The following ADGRL2 variants were observed in gnomAD, a reference collection of about 807,000 sequenced individuals.
ADGRL2 encodes the protein calcium-independent alpha-latrotoxin receptor 2.
Under a neutral mutation model 157.4 loss-of-function variants are expected in ADGRL2, and 44 were observed. The observed-to-expected ratio is 0.28, with a 90% confidence interval of 0.22 to 0.36. The LOEUF (loss-of-function observed/expected upper bound fraction) is 0.36, where lower values mean the gene tolerates loss of function less well. Among genes scored for constraint, ADGRL2 ranks in the 10% least tolerant of loss-of-function variants. The pLI is 1.00. For missense variants in ADGRL2, 1,510 were observed against 1,768.9 expected (o/e 0.85, Z 2.63); for synonymous variants, 585 against 624.7 (o/e 0.94, Z 0.95).
chr1:81,939,589 T>A (rs1038873516), intron 4 of ADGRL2, among the ~76,000 whole-genome samples: 2 of 151,506 alleles, frequency 1.3e-5, no homozygotes, highest in Non-Finnish European at 3.0e-5. Flanking sequence ...GCTGTGTAGT[T>A]AGTTTGGGTT....
chr1:81,449,316 C>T (rs2077662783), intron 2 of ADGRL2, among the ~76,000 whole-genome samples: 1 of 152,038 alleles, frequency 6.6e-6, no homozygotes. Flanking sequence ...TTATATTATC[C>T]AGGGTCTGTG....
Position 81,482,154 on chromosome 1 carries a change from C to T in ADGRL2, c.-248+37065C>T, listed in dbSNP as rs141639048. 2.1e-3 allele frequency among the ~76,000 whole-genome samples: 327 copies of T among 152,320 alleles called. 1 individual carries two copies. Among genetic ancestry groups the T allele is most frequent in the African/African-American group, 7.5e-3 (310 of 41,570 alleles). Reference sequence around the variant, plus strand: ...ACACCAGTTTGAGAATTTAGCACTGCTATGATTGCATTCATTAATTATTTG... The same window carrying T: ...ACACCAGTTTGAGAATTTAGCACTGTTATGATTGCATTCATTAATTATTTG... On this transcript the variant is annotated intron_variant, in intron 2 of 24. Transcript: ENST00000370721.
At chr1:81,682,548 C>G (rs1364255348) in intron 3 of ADGRL2, among the ~76,000 whole-genome samples, 2 of 152,114 alleles carry the variant, frequency 1.3e-5, no homozygotes, top group East Asian at 3.9e-4. Flanking sequence ...CTTAAACAAG[C>G]GCCTTTGAAT....
At chr1:81,564,818 A>G (rs2080522577) in intron 2 of ADGRL2, among the ~76,000 whole-genome samples, 2 of 152,140 alleles carry the variant, frequency 1.3e-5, no homozygotes, top group Non-Finnish European at 2.9e-5. Context: ...ATTGAGGACT[A>G]TGTTCAGTTG....
At chr1:81,428,852 A>G (rs1383855258) in intron 1 of ADGRL2, among the ~76,000 whole-genome samples, 1 of 152,112 alleles carries the variant, frequency 6.6e-6, no homozygotes, top group African/African-American at 2.4e-5. Flanking sequence ...GCTTCAGGAT[A>G]GGGAAAGGGG....
intron 3 of ADGRL2, among the ~76,000 whole-genome samples, chr1:81,688,444 C>T (rs2083272934): frequency 6.6e-6 from 1 of 152,062 alleles, no homozygotes; most frequent in Non-Finnish European, 1.5e-5. Context: ...TTTCTTTCTT[C>T]TACTTGTTCA....
chr1:81,581,618 C>T (rs1212232513), intron 3 of ADGRL2, among the ~76,000 whole-genome samples: 1 of 152,152 alleles, frequency 6.6e-6, no homozygotes, highest in Non-Finnish European at 1.5e-5. Context: ...TGATTATACT[C>T]ATTTCATCTT....
At chr1:81,570,377 C>CGTTT (rs765155539) in intron 2 of ADGRL2, among the ~76,000 whole-genome samples, 33 of 152,008 alleles carry the variant, frequency 2.2e-4, no homozygotes, top group African/African-American at 3.6e-4. Context: ...ATATTACATT[C>CGTTT]GTTTGTTTGT....
rs150209895 is a variant in ADGRL2 at position 81,907,819 on chromosome 1, G to A, written c.287+589G>A. Among the ~76,000 whole-genome samples the A allele has an allele frequency of 3.9e-5, 6 of 152,260 alleles. No homozygotes were observed. In the East Asian group the frequency reaches 1.2e-3, roughly 29 times the overall value. On this transcript the variant is annotated intron_variant, in intron 3 of 23. Coordinates refer to ENST00000686636, the MANE Select transcript of ADGRL2 (RefSeq NM_001366006.2). ...CACCCAAAGTCCATAGTTTACAATA[G>A]GATTGGCTTTTGGCGTTGTACATTT...
At chr1:81,435,962 G>A (rs1430801492) in intron 1 of ADGRL2, among the ~76,000 whole-genome samples, 1 of 152,070 alleles carries the variant, frequency 6.6e-6, no homozygotes, top group Non-Finnish European at 1.5e-5. Context: ...CGGGCGTGGT[G>A]GTGGATGCTG....
intron 2 of ADGRL2, among the ~76,000 whole-genome samples, chr1:81,447,703 T>G (rs1267346480): frequency 6.6e-6 from 1 of 152,188 alleles, no homozygotes; most frequent in Non-Finnish European, 1.5e-5. Context: ...CAAAAATGGT[T>G]AGCAGATTTT....
chr1:81,688,222 C>T (rs1002290492), intron 3 of ADGRL2, among the ~76,000 whole-genome samples: 5 of 152,136 alleles, frequency 3.3e-5, no homozygotes, highest in Non-Finnish European at 7.4e-5. Context: ...AGGTCTCTAG[C>T]TAGGCCAGGG....
intron 1 of ADGRL2, among the ~76,000 whole-genome samples, chr1:81,718,658 T>C (rs909260775): frequency 6.6e-6 from 1 of 152,242 alleles, no homozygotes; most frequent in South Asian, 2.1e-4. Context: ...ATAAAAATCC[T>C]GCTGGAGAGT....
intron 2 of ADGRL2, among the ~76,000 whole-genome samples, chr1:81,849,186 A>G (rs1420263163): frequency 6.6e-6 from 1 of 151,954 alleles, no homozygotes; most frequent in African/African-American, 2.4e-5. Context: ...ATTGACTGAT[A>G]GCACTGATTG....
At chr1:81,780,609 T>C (rs570456867) in intron 2 of ADGRL2, among the ~76,000 whole-genome samples, 1 of 152,320 alleles carries the variant, frequency 6.6e-6, no homozygotes, top group African/African-American at 2.4e-5. Context: ...CTTCCGTTAA[T>C]AGCGCAAAGA....
chr1:81,721,934 A>G, intron 1 of ADGRL2: 1 of 670,132 alleles, frequency 1.5e-6, no homozygotes. Context: ...AAAGTGATCT[A>G]GAAGTTGATA....
chr1:81,406,136 T>C (rs958304612), intron 1 of ADGRL2, among the ~76,000 whole-genome samples: 1 of 152,230 alleles, frequency 6.6e-6, no homozygotes, highest in African/African-American at 2.4e-5. Context: ...AGCTGCAGTA[T>C]GAAAGATTTA....
chr1:81,880,819 G>A (rs1167572018), intron 2 of ADGRL2, among the ~76,000 whole-genome samples: 1 of 151,984 alleles, frequency 6.6e-6, no homozygotes, highest in Non-Finnish European at 1.5e-5. Flanking sequence ...TGACATTGGT[G>A]GGTTGGATGT....
intron 3 of ADGRL2, among the ~76,000 whole-genome samples, chr1:81,921,012 A>T (rs2094965584): frequency 6.6e-6 from 1 of 152,270 alleles, no homozygotes; most frequent in Non-Finnish European, 1.5e-5. Context: ...TGAATACAAA[A>T]AGAAAGTGCT....
Sources: gnomAD v4.1 joint callset for allele counts (sites outside exome capture counted in the v4.1 genomes callset) on GRCh38, gnomAD v4.1.1 for gene constraint, MANE v1.5 for transcripts, NCBI Gene and HGNC (gene_info 2026-07-23, HGNC 2026-07-21) for gene names.